The following PPP2R2C variants were observed in gnomAD, a reference collection of about 807,000 sequenced individuals.
The protein encoded by PPP2R2C is protein phosphatase 2 regulatory subunit Bgamma.
A neutral mutation model predicts 45.3 loss-of-function variants in PPP2R2C; 10 were observed. The observed-to-expected ratio is 0.22, with a 90% CI of 0.14 to 0.37. PPP2R2C has a LOEUF of 0.37. PPP2R2C is among the 10% of genes least tolerant of loss of function. The pLI is 1.00. For synonymous variants in PPP2R2C, 257 were observed against 245.4 expected, an observed-to-expected ratio of 1.05 and a Z score of -0.44; for missense variants, 308 against 619.7, an observed-to-expected ratio of 0.50 and a Z score of 5.34.
rs116253536 is a variant in PPP2R2C, at chr4:6,386,290, G to A, written c.71-5196C>T. Reference sequence around the variant, plus strand: ...GTCATAGGGCTGCCAGAACTCAGACGGAAAGCCAGAGTCTCACTGGCTTGA... The same window carrying A: ...GTCATAGGGCTGCCAGAACTCAGACAGAAAGCCAGAGTCTCACTGGCTTGA... On this transcript the variant is annotated intron_variant, in intron 1 of 8. Coordinates refer to ENST00000382599, the MANE Select transcript of PPP2R2C (RefSeq NM_020416.4). Among the ~76,000 whole-genome samples the A allele has an allele frequency of 4.9e-3, 746 of 152,286 alleles. 4 individuals are homozygous for A. The highest frequency in any genetic ancestry group is 6.1e-3 in the Non-Finnish European group (416 of 68,020).
intron 1 of PPP2R2C, among the ~76,000 whole-genome samples, chr4:6,553,355 C>A (rs759677371): frequency 1.2e-4 from 18 of 152,238 alleles, no homozygotes; most frequent in Non-Finnish European, 1.9e-4. Context: ...AATAGATCTA[C>A]GGGTCAAGTG....
At chr4:6,443,927 A>G (rs1054894781) in intron 1 of PPP2R2C, among the ~76,000 whole-genome samples, 1 of 152,198 alleles carries the variant, frequency 6.6e-6, no homozygotes, top group Non-Finnish European at 1.5e-5. Context: ...GCAGCCCAGC[A>G]GCCCAGCAGC....
chr4:6,416,826 G>C (rs1718614633), intron 1 of PPP2R2C, among the ~76,000 whole-genome samples: 1 of 152,118 alleles, frequency 6.6e-6, no homozygotes, highest in Non-Finnish European at 1.5e-5. Flanking sequence ...AAGCCTGCTG[G>C]GCTCCCTGTG....
At chr4:6,495,124 C>T (rs1410783625) in intron 2 of PPP2R2C, among the ~76,000 whole-genome samples, 1 of 152,244 alleles carries the variant, frequency 6.6e-6, no homozygotes, top group Non-Finnish European at 1.5e-5. Flanking sequence ...TGCCAAGGGG[C>T]TACGTGGCCT....
At chr4:6,517,332 G>A (rs1013815054) in intron 2 of PPP2R2C, among the ~76,000 whole-genome samples, 2 of 152,150 alleles carry the variant, frequency 1.3e-5, no homozygotes, top group Non-Finnish European at 2.9e-5. Flanking sequence ...GCCTATCTGG[G>A]TCCAAAACCT....
chr4:6,473,152 T>A (rs1722005876), upstream of PPP2R2C, among the ~76,000 whole-genome samples: 2 of 152,088 alleles, frequency 1.3e-5, no homozygotes, highest in African/African-American at 4.8e-5. Context: ...ATGAAATGGC[T>A]GGAGGGGTGA....
chr4:6,462,792 A>G (rs1414409284), intron 1 of PPP2R2C, among the ~76,000 whole-genome samples: 1 of 152,260 alleles, frequency 6.6e-6, no homozygotes, highest in African/African-American at 2.4e-5. Context: ...AAATGACAGG[A>G]GTCTTGGATT....
At chr4:6,547,519 C>G (rs1301657627) in intron 1 of PPP2R2C, among the ~76,000 whole-genome samples, 2 of 152,086 alleles carry the variant, frequency 1.3e-5, no homozygotes, top group South Asian at 2.1e-4. Flanking sequence ...TCACCAATAA[C>G]CAAGCATTCC....
At chr4:6,410,749 A>G (rs975775657) in intron 1 of PPP2R2C, among the ~76,000 whole-genome samples, 2 of 152,134 alleles carry the variant, frequency 1.3e-5, no homozygotes, top group Non-Finnish European at 1.5e-5. Context: ...ACCCTTTCTC[A>G]GAAACGTGTG....
chr4:6,510,295 G>A (rs1445938665), intron 2 of PPP2R2C, among the ~76,000 whole-genome samples: 1 of 151,644 alleles, frequency 6.6e-6, no homozygotes. Context: ...TGTCCCTGGA[G>A]CAAGGCTGAC....
chr4:6,373,565 C>T (rs982302671), intron 4 of PPP2R2C, among the ~76,000 whole-genome samples: 3 of 152,224 alleles, frequency 2.0e-5, no homozygotes, highest in Non-Finnish European at 4.4e-5. Flanking sequence ...TTGTTTATCT[C>T]TCCATCTCTC....
chr4:6,409,935 A>C (rs958429960), intron 1 of PPP2R2C, among the ~76,000 whole-genome samples: 1 of 152,202 alleles, frequency 6.6e-6, no homozygotes, highest in Non-Finnish European at 1.5e-5. Flanking sequence ...TTCACCTCCA[A>C]CTGAGGCCTT....
intron 1 of PPP2R2C, among the ~76,000 whole-genome samples, chr4:6,400,753 G>T (rs139258141): frequency 1.3e-5 from 2 of 152,374 alleles, no homozygotes; most frequent in East Asian, 3.9e-4. Flanking sequence ...ATCACAAGAT[G>T]CCTAGAGCTC....
At chr4:6,509,724 G>A (rs1424054971) in intron 2 of PPP2R2C, among the ~76,000 whole-genome samples, 1 of 152,198 alleles carries the variant, frequency 6.6e-6, no homozygotes, top group Non-Finnish European at 1.5e-5. Context: ...AACACTCATG[G>A]AATGCCTGTG....
intron 1 of PPP2R2C, chr4:6,382,797 C>A: frequency 1.1e-6 from 1 of 933,128 alleles, no homozygotes. Context: ...GGATGACTGC[C>A]ACAGCTCTTT....
At position 6,339,380 on chromosome 4, in the gene PPP2R2C, G is replaced by A. The variant is rs548755024; in HGVS notation, c.791-5649C>T. ...AGAGAAGCTTGTGCAGCTGCCTGCCGTTTCTGCTCCAGCCCCTCACTGACA... is the reference window on the plus strand; with the variant it reads ...AGAGAAGCTTGTGCAGCTGCCTGCCATTTCTGCTCCAGCCCCTCACTGACA... On this transcript the variant is annotated intron_variant, in intron 6 of 8. Transcript: ENST00000382599. Among the ~76,000 whole-genome samples the A allele has an allele frequency of 1.6e-4, 25 of 152,372 alleles. No individual in the cohort carries two copies. The South Asian group carries it at 4.8e-3, about 29-fold the overall frequency.
intron 5 of PPP2R2C, among the ~76,000 whole-genome samples, chr4:6,365,520 G>A (rs1714222188): frequency 6.6e-6 from 1 of 152,258 alleles, no homozygotes; most frequent in Admixed American, 6.5e-5. Context: ...TAAAGGGGGT[G>A]CAGAAAGACT....
intron 1 of PPP2R2C, among the ~76,000 whole-genome samples, chr4:6,560,186 C>T (rs1725531182): frequency 6.6e-6 from 1 of 152,212 alleles, no homozygotes; most frequent in South Asian, 2.1e-4. Context: ...AAGACCCATG[C>T]AAGACCCTCC....
At chr4:6,529,438 C>T (rs1266965061) in intron 2 of PPP2R2C, among the ~76,000 whole-genome samples, 2 of 152,236 alleles carry the variant, frequency 1.3e-5, no homozygotes, top group Non-Finnish European at 2.9e-5. Flanking sequence ...AGCCAAGCTG[C>T]ATGGGCCCCA....
Sources: gnomAD v4.1 joint callset for allele counts (sites outside exome capture counted in the v4.1 genomes callset) on GRCh38, gnomAD v4.1.1 for gene constraint, MANE v1.5 for transcripts, NCBI Gene and HGNC (gene_info 2026-07-23, HGNC 2026-07-21) for gene names.